Variants in LRBA observed in about 807,000 individuals in gnomAD.
LRBA encodes the protein LPS responsive beige-like anchor protein.
In LRBA, 176 loss-of-function variants were observed where a neutral mutation model predicts 330.0. That is an observed-to-expected ratio of 0.53 (90% confidence interval 0.47 to 0.60). LRBA has a LOEUF of 0.60. Among genes scored for constraint, LRBA ranks in the 20% least tolerant of loss-of-function variants. LRBA has a pLI of 0.00. For missense variants in LRBA, 3,259 were observed against 3,444.8 expected, an observed-to-expected ratio of 0.95 and a Z score of 1.35; for synonymous variants, 1,230 against 1,193.0, an observed-to-expected ratio of 1.03 and a Z score of -0.64.
At chr4:150,595,194 T>G (rs1299952842) in intron 38 of LRBA, among the ~76,000 whole-genome samples, 1 of 146,722 alleles carries the variant, frequency 6.8e-6, no homozygotes, top group Non-Finnish European at 1.5e-5. Context: ...GTTTATGCCA[T>G]GTCCATAGCA....
chr4:150,957,631 A>G (rs1322941438), intron 2 of LRBA, among the ~76,000 whole-genome samples: 2 of 148,792 alleles, frequency 1.3e-5, no homozygotes, highest in Non-Finnish European at 2.9e-5. Context: ...CATTAACTCC[A>G]AAGTCCACAG....
At chr4:150,410,373 T>C (rs542416573) in intron 47 of LRBA, among the ~76,000 whole-genome samples, 1 of 152,312 alleles carries the variant, frequency 6.6e-6, no homozygotes, top group African/African-American at 2.4e-5. Context: ...GGCAATACTA[T>C]GAAAGGACAG....
intron 48 of LRBA, among the ~76,000 whole-genome samples, chr4:150,340,603 G>C (rs1272543814): frequency 6.6e-6 from 1 of 152,006 alleles, no homozygotes; most frequent in Non-Finnish European, 1.5e-5. Flanking sequence ...CCAAAGCATT[G>C]GAATTACAGG....
chr4:150,850,723 C>A lies in LRBA; in HGVS notation c.4004+1G>T, dbSNP rs1750514230. ...CTTCCATAATAAACATATAGACAAA[C>A]CTTCTCCACATCTGTATATCTGTTT... On this transcript the variant is annotated splice_donor_variant, in intron 24 of 56. Transcript: ENST00000651943. LOFTEE classifies it high-confidence loss of function. 2 of 1,598,940 alleles carry A rather than the reference C, an allele frequency of 1.3e-6. No individual in the cohort carries two copies. The highest frequency in any genetic ancestry group is 1.7e-6 in the Non-Finnish European group (2 of 1,168,950).
chr4:150,557,500 T>A (rs1767481080), intron 40 of LRBA, among the ~76,000 whole-genome samples: 1 of 152,118 alleles, frequency 6.6e-6, no homozygotes, highest in Non-Finnish European at 1.5e-5. Flanking sequence ...GCTTTTTTTT[T>A]TTTTTCTTGT....
chr4:150,405,792 T>C (rs1240344449), intron 47 of LRBA, among the ~76,000 whole-genome samples: 1 of 152,172 alleles, frequency 6.6e-6, no homozygotes, highest in Non-Finnish European at 1.5e-5. Flanking sequence ...CAGTCGCTCA[T>C]GCCTATGAGC....
intron 34 of LRBA, among the ~76,000 whole-genome samples, chr4:150,762,086 T>C (rs1735170262): frequency 6.6e-6 from 1 of 151,932 alleles, no homozygotes; most frequent in Non-Finnish European, 1.5e-5. Context: ...TTTCATTACA[T>C]AACACGATAT....
At chr4:150,500,265 A>G (rs534327133) in intron 40 of LRBA, among the ~76,000 whole-genome samples, 1 of 150,614 alleles carries the variant, frequency 6.6e-6, no homozygotes, top group East Asian at 2.0e-4. Flanking sequence ...ACCAAAGGTA[A>G]AGTTAAAAAA....
intron 40 of LRBA, among the ~76,000 whole-genome samples, chr4:150,537,512 C>A (rs1379024308): frequency 2.0e-5 from 3 of 152,174 alleles, no homozygotes; most frequent in Non-Finnish European, 4.4e-5. Flanking sequence ...AGCTTCTGCA[C>A]ACCAAAAGAA....
chr4:150,987,738 A>G (rs2149618836), intron 2 of LRBA, among the ~76,000 whole-genome samples: 1 of 150,846 alleles, frequency 6.6e-6, no homozygotes, highest in Non-Finnish European at 1.5e-5. Context: ...GCGGTGGCTC[A>G]CACCTGTAAT....
In LRBA at chr4:150,445,205, C is replaced by T. The variant is rs554222586; in HGVS notation, c.6781-8341G>A. 1.3e-3 allele frequency among the ~76,000 whole-genome samples: 204 copies of T among 151,960 alleles called. 1 individual carries two copies. The highest frequency in any genetic ancestry group is 4.6e-3 in the African/African-American group (189 of 41,490). ...GATAGGTCATTAGTGGCATACATGT[C>T]AACATTCTGCTAGCTTCTATAAACC... On this transcript the variant is annotated intron_variant, in intron 44 of 56. Transcript: ENST00000651943.
At chr4:150,726,703 G>C (rs143458387) in intron 36 of LRBA, among the ~76,000 whole-genome samples, 1 of 152,032 alleles carries the variant, frequency 6.6e-6, no homozygotes, top group Non-Finnish European at 1.5e-5. Context: ...TCACTATTAC[G>C]AGAACATCAT....
intron 40 of LRBA, among the ~76,000 whole-genome samples, chr4:150,559,652 ATATAAT>A (rs1165390320): frequency 1.0e-4 from 5 of 48,912 alleles, no homozygotes; most frequent in South Asian, 9.8e-4. Context: ...ATAATATAAT[ATATAAT>A]TATAATATAT....
rs753655185 is a variant in LRBA, at chr4:151,014,453, C to A, written c.190G>T (p.Asp64Tyr). Reference protein sequence around the residue: ...LVEVGEVSNRDIVETVFNLLV... With the variant: ...LVEVGEVSNRYIVETVFNLLV... ...AGGTTAAAGACAGTTTCTACAATATCCCTATTGGATACTTCTCCAACTTCA... is the reference window on the plus strand; with the variant it reads ...AGGTTAAAGACAGTTTCTACAATATACCTATTGGATACTTCTCCAACTTCA... The change falls in exon 2 of 57, where the codon GAT becomes TAT. Residue 64 changes from aspartate (D) to tyrosine (Y), a missense_variant. Asp to Tyr is a radical substitution (Grantham distance 160). Coordinates refer to ENST00000651943, the MANE Select transcript of LRBA (RefSeq NM_001364905.1). 6.2e-7 allele frequency: 1 copy of A among 1,614,102 alleles called. No homozygotes were observed. The highest frequency in any genetic ancestry group is 8.5e-7 in the Non-Finnish European group (1 of 1,179,944).
chr4:150,399,704 C>T (rs1489409890), intron 47 of LRBA, among the ~76,000 whole-genome samples: 4 of 152,082 alleles, frequency 2.6e-5, no homozygotes, highest in Non-Finnish European at 5.9e-5. Flanking sequence ...TTCTGGATGG[C>T]GTGGTGGCTT....
chr4:150,845,105 A>C (rs1749661575), intron 26 of LRBA, among the ~76,000 whole-genome samples: 1 of 152,208 alleles, frequency 6.6e-6, no homozygotes, highest in Non-Finnish European at 1.5e-5. Context: ...TAGCTGGGAC[A>C]ATCTTTAGTT....
intron 26 of LRBA, among the ~76,000 whole-genome samples, chr4:150,847,332 G>A (rs1749986529): frequency 6.6e-6 from 1 of 151,974 alleles, no homozygotes; most frequent in Non-Finnish European, 1.5e-5. Context: ...TAAAACAACT[G>A]TCTATAAATT....
At chr4:150,568,098 G>A (rs1769370099) in intron 40 of LRBA, among the ~76,000 whole-genome samples, 1 of 152,034 alleles carries the variant, frequency 6.6e-6, no homozygotes. Context: ...TTGAGTCCAG[G>A]ATTTCAAGAC....
chr4:151,014,581 C>T lies in LRBA; in HGVS notation c.62G>A (p.Gly21Glu). The change falls in exon 2 of 57, where the codon GGA (glycine) becomes GAA (glutamate). Residue 21 changes from glycine (G) to glutamate (E), a missense_variant. Coordinates refer to ENST00000651943, the MANE Select transcript of LRBA (RefSeq NM_001364905.1). ...PPPTGDDGGG[G>E]GREETPTEGG... ...TTCAGTAGGGGTTTCTTCTCTCCCT[C>T]CACCTCCCCCGTCATCACCTGTTGG... 1 of 1,612,238 alleles carries T rather than the reference C, an allele frequency of 6.2e-7. No individual in the cohort carries two copies. Among genetic ancestry groups the T allele is most frequent in the Non-Finnish European group, 8.5e-7 (1 of 1,179,088 alleles).
Sources: gnomAD v4.1 joint callset for allele counts (sites outside exome capture counted in the v4.1 genomes callset) on GRCh38, gnomAD v4.1.1 for gene constraint, MANE v1.5 for transcripts, NCBI Gene and HGNC (gene_info 2026-07-23, HGNC 2026-07-21) for gene names.